PRKN: variants seen among roughly 807,000 people sequenced by gnomAD.
PRKN encodes E3 ubiquitin-protein ligase parkin.
PRKN carries 56 observed loss-of-function variants against 59.5 expected under a neutral mutation model. That is an observed-to-expected ratio of 0.94 (90% CI 0.76 to 1.18). The LOEUF is 1.18. Ranked by LOEUF, PRKN falls within the 50% of genes most tolerant of loss-of-function variation. The probability of loss-of-function intolerance (pLI) is 0.00; values close to 1 mark genes in which losing one functional copy is unlikely to be tolerated. For synonymous variants in PRKN, 250 were observed against 222.1 expected, an observed-to-expected ratio of 1.13 and a Z score of -1.12; for missense variants, 657 against 596.4, an observed-to-expected ratio of 1.10 and a Z score of -1.06.
intron 6 of PRKN, among the ~76,000 whole-genome samples, chr6:161,965,240 C>G (rs1394842525): frequency 6.6e-6 from 1 of 151,928 alleles, no homozygotes; most frequent in Non-Finnish European, 1.5e-5. Flanking sequence ...TATTTTAGGA[C>G]AAATTTGAAG....
intron 7 of PRKN, among the ~76,000 whole-genome samples, chr6:161,654,812 G>T (rs1582953362): frequency 6.6e-6 from 1 of 152,296 alleles, no homozygotes; most frequent in South Asian, 2.1e-4. Flanking sequence ...AGGCCACAGG[G>T]GCATAACCAG....
chr6:162,133,871 C>A lies in PRKN; in HGVS notation c.534+67260G>T, dbSNP rs781495409. Among the ~76,000 whole-genome samples, 34 of 151,878 alleles carry A rather than the reference C, an allele frequency of 2.2e-4. 1 individual carries two copies. The highest frequency in any genetic ancestry group is 4.1e-4 in the Non-Finnish European group (28 of 67,998). On this transcript the variant is annotated intron_variant, in intron 4 of 11. Transcript: ENST00000366898. The stretch of plus-strand genomic sequence containing the variant: ...TTTGAAGAGTGGTAGGAGGAAATGA[C>A]AGGCTAGAGTGGGAGGTGAGCATGG...
intron 5 of PRKN, among the ~76,000 whole-genome samples, chr6:162,040,729 T>C (rs1337683494): frequency 1.3e-5 from 2 of 151,350 alleles, no homozygotes; most frequent in African/African-American, 2.4e-5. Context: ...TAGAACCACA[T>C]TTTTGATGTA....
At chr6:162,144,308 A>G (rs1781911588) in intron 4 of PRKN, among the ~76,000 whole-genome samples, 1 of 152,258 alleles carries the variant, frequency 6.6e-6, no homozygotes, top group Non-Finnish European at 1.5e-5. Context: ...TTTAATATTC[A>G]TGACTCACAT....
chr6:161,733,096 C>T (rs369791870), intron 7 of PRKN, among the ~76,000 whole-genome samples: 47 of 152,240 alleles, frequency 3.1e-4, no homozygotes, highest in African/African-American at 1.1e-3. Flanking sequence ...TTATTTCATG[C>T]TACTGGGTAT....
At chr6:161,696,284 C>T (rs1171667211) in intron 7 of PRKN, among the ~76,000 whole-genome samples, 1 of 152,210 alleles carries the variant, frequency 6.6e-6, no homozygotes, top group Non-Finnish European at 1.5e-5. Context: ...GGTTGACACC[C>T]TATTTTTATG....
In PRKN at chr6:162,277,391, G is replaced by A. The variant is rs541584189; in HGVS notation, c.172-14626C>T. On this transcript the variant is annotated intron_variant, in intron 2 of 11. Transcript: ENST00000366898. ...CAATGAGGAGACAATAAAACAAATC[G>A]AGGTTGCAGGATAATTCTGCAAACA... 3.9e-5 allele frequency among the ~76,000 whole-genome samples: 6 copies of A among 152,222 alleles called. No homozygotes were observed. The East Asian group carries it at 7.7e-4, about 20-fold the overall frequency.
chr6:161,593,522 C>T lies in PRKN; in HGVS notation c.872-24106G>A, dbSNP rs778957606. On this transcript the variant is annotated intron_variant, in intron 7 of 11. Coordinates refer to ENST00000366898, the MANE Select transcript of PRKN (RefSeq NM_004562.3). This position sits in a 1 kb window ranked among gnomAD's most constrained non-coding sequence, Gnocchi z 4.8. ...CTGTGGCCTGTGGTCAGCAGTGCAGCGGTCAGGTGGGAGGTGATGGCACCT... is the reference window on the plus strand; with the variant it reads ...CTGTGGCCTGTGGTCAGCAGTGCAGTGGTCAGGTGGGAGGTGATGGCACCT... 5.9e-5 allele frequency among the ~76,000 whole-genome samples: 9 copies of T among 152,090 alleles called. No individual in the cohort carries two copies. The highest frequency in any genetic ancestry group is 1.0e-4 in the Non-Finnish European group (7 of 68,000).
intron 7 of PRKN, among the ~76,000 whole-genome samples, chr6:161,586,366 T>C (rs757763921): frequency 2.0e-5 from 3 of 152,186 alleles, no homozygotes; most frequent in Non-Finnish European, 4.4e-5. Context: ...TTCAGGTCAG[T>C]GGGACTTGAG....
rs770027540 is a variant in PRKN, at chr6:161,397,653, AAGGACCTAAC to A, written c.1084-10786_1084-10777del. On this transcript the variant is annotated intron_variant, in intron 9 of 11. Coordinates refer to ENST00000366898, the MANE Select transcript of PRKN (RefSeq NM_004562.3). The surrounding 1 kb of genome is among the most constrained non-coding windows in gnomAD (Gnocchi z 4.2). ...TTCCACGTGATTATCATGAAGTTGC[AAGGACCTAAC>A]AGAATAATGGCAATCATCAAACCTT... is the stretch of plus-strand genomic sequence containing the variant. Among the ~76,000 whole-genome samples, 11 of 152,196 alleles carry A rather than the reference AAGGACCTAAC, an allele frequency of 7.2e-5. No individual in the cohort carries two copies. Among genetic ancestry groups the A allele is most frequent in the Non-Finnish European group, 1.3e-4 (9 of 68,050 alleles).
intron 8 of PRKN, among the ~76,000 whole-genome samples, chr6:161,558,832 G>C (rs1780343509): frequency 6.6e-6 from 1 of 151,270 alleles, no homozygotes; most frequent in South Asian, 2.1e-4. Flanking sequence ...CAGGTAGTTA[G>C]CCTGAGAGCA....
At chr6:161,849,864 A>G (rs1225452116) in intron 6 of PRKN, among the ~76,000 whole-genome samples, 1 of 152,196 alleles carries the variant, frequency 6.6e-6, no homozygotes, top group Non-Finnish European at 1.5e-5. Context: ...ACCTCTGTCA[A>G]TTGTCCCAGC....
intron 9 of PRKN, among the ~76,000 whole-genome samples, chr6:161,519,553 G>A (rs992046639): frequency 2.0e-5 from 3 of 152,198 alleles, no homozygotes; most frequent in Admixed American, 2.0e-4. Flanking sequence ...AGCCCAAGGA[G>A]AATGTGGGCT....
chr6:162,693,660 G>A (rs1289120455), intron 1 of PRKN, among the ~76,000 whole-genome samples: 1 of 152,118 alleles, frequency 6.6e-6, no homozygotes, highest in Non-Finnish European at 1.5e-5. Flanking sequence ...AGAAACTTGG[G>A]TTATGGGCAC....
chr6:162,408,650 T>A (rs1295172017), intron 2 of PRKN, among the ~76,000 whole-genome samples: 1 of 152,184 alleles, frequency 6.6e-6, no homozygotes, highest in Non-Finnish European at 1.5e-5. Flanking sequence ...CAGAGTTGAC[T>A]ATAAAGTCCT....
chr6:161,754,454 G>C (rs1406262259), intron 7 of PRKN, among the ~76,000 whole-genome samples: 1 of 152,132 alleles, frequency 6.6e-6, no homozygotes, highest in Non-Finnish European at 1.5e-5. Context: ...GGCTGTCCGA[G>C]GGGTGGGGAC....
rs1053097700 is a variant in PRKN at position 162,325,221 on chromosome 6, C to T, written c.172-62456G>A. On this transcript the variant is annotated intron_variant, in intron 2 of 11. Coordinates refer to ENST00000366898, the MANE Select transcript of PRKN (RefSeq NM_004562.3). ...TTGAATGTAAAGAGAGCCAGACAAA[C>T]AGCTTTTCTTCTGTAACACTCCATT... Among the ~76,000 whole-genome samples the T allele has an allele frequency of 9.9e-5, 15 of 152,202 alleles. No homozygotes were observed. In the South Asian group the frequency reaches 1.5e-3, roughly 15 times the overall value.
intron 7 of PRKN, among the ~76,000 whole-genome samples, chr6:161,746,646 ATATC>A (rs924136327): frequency 6.8e-6 from 1 of 146,672 alleles, no homozygotes; most frequent in Non-Finnish European, 1.5e-5. Context: ...ATATATGTAT[ATATC>A]TATATAGATA....
intron 7 of PRKN, among the ~76,000 whole-genome samples, chr6:161,783,891 C>T (rs1341248382): frequency 6.6e-6 from 1 of 152,138 alleles, no homozygotes; most frequent in Non-Finnish European, 1.5e-5. Context: ...AAGTGAGTAT[C>T]ATAATTTACA....
Sources: allele counts gnomAD v4.1 joint callset (sites outside exome capture counted in the v4.1 genomes callset), GRCh38; gene constraint gnomAD v4.1.1; non-coding constraint Gnocchi (gnomAD v3.1); transcripts MANE v1.5; gene names NCBI Gene and HGNC (gene_info 2026-07-23, HGNC 2026-07-21).